Variants in LRP2 observed in about 807,000 individuals in gnomAD.
LRP2 encodes low-density lipoprotein receptor-related protein 2.
A neutral mutation model predicts 531.0 loss-of-function variants in LRP2; 172 were observed. That is an observed-to-expected ratio of 0.32 (90% confidence interval 0.29 to 0.37). The LOEUF is 0.37. Ranked by LOEUF, LRP2 falls within the 10% of genes least tolerant of loss-of-function variation. The pLI, the probability that LRP2 is intolerant of heterozygous loss-of-function variation, is 1.00. For missense variants in LRP2, 5,167 were observed against 5,868.3 expected (o/e 0.88, Z 3.90); for synonymous variants, 1,992 against 2,027.6 (o/e 0.98, Z 0.47).
At chr2:169,286,189 C>T (rs1445046400) in intron 9 of LRP2, among the ~76,000 whole-genome samples, 6 of 152,190 alleles carry the variant, frequency 3.9e-5, no homozygotes, top group Non-Finnish European at 8.8e-5. Flanking sequence ...AGGCAAATGA[C>T]ACATTCTTGA....
intron 4 of LRP2, among the ~76,000 whole-genome samples, chr2:169,304,322 A>G (rs1161634818): frequency 6.6e-6 from 1 of 152,170 alleles, no homozygotes; most frequent in Non-Finnish European, 1.5e-5. Context: ...CAGACTTGGA[A>G]CTAGAAGACA....
Position 169,240,978 on chromosome 2 carries a change from G to A in LRP2, c.4045+10C>T. On this transcript the variant is annotated intron_variant, in intron 25 of 78. Transcript: ENST00000649046. ...GTTTATGGCCAGTAAACTGTGGTCA[G>A]GAAACTTACTGCAAAGTGGGGACTC... 1.2e-6 allele frequency: 2 copies of A among 1,610,702 alleles called. No homozygotes were observed. Among genetic ancestry groups the A allele is most frequent in the Non-Finnish European group, 8.5e-7 (1 of 1,180,012 alleles).
At chr2:169,259,637 G>A (rs372254534) in intron 16 of LRP2, among the ~76,000 whole-genome samples, 39 of 151,366 alleles carry the variant, frequency 2.6e-4, no homozygotes, top group African/African-American at 8.7e-4. Flanking sequence ...AGGTATCATC[G>A]CCCAACCCTC....
chr2:169,162,590 C>T lies in LRP2; in HGVS notation c.11769G>A (p.Pro3923=), dbSNP rs772055695. Residue 3923 remains proline, a synonymous_variant, in exon 63 of 79, where the codon CCG becomes CCA. Transcript: ENST00000649046. ...CATATTCTGTACAAGGTTTAGGGGT[C>T]GGTTTTCTACCTGCAATGTAAAAAC... is the stretch of plus-strand genomic sequence containing the variant. The part of the protein sequence containing the change: ...TDETEEHCRK[P]TPKPCTEYEY... 7.2e-5 allele frequency: 117 copies of T among 1,613,976 alleles called. No individual in the cohort carries two copies. Among genetic ancestry groups the T allele is most frequent in the East Asian group, 8.9e-5 (4 of 44,896 alleles).
At chr2:169,258,934 C>T (rs1389947132) in intron 17 of LRP2, 91 bp downstream of exon 17, 1 of 1,116,612 alleles carries the variant, frequency 9.0e-7, no homozygotes, top group African/African-American at 1.5e-5. Context: ...CTTATATTTG[C>T]TGAACTTACC....
intron 4 of LRP2, among the ~76,000 whole-genome samples, chr2:169,300,796 GGA>G (rs1684268551): frequency 6.6e-6 from 1 of 152,086 alleles, no homozygotes. Context: ...CTGGCTTCAG[GGA>G]GAGAGAGAAT....
intron 4 of LRP2, among the ~76,000 whole-genome samples, chr2:169,300,084 A>G (rs1319906698): frequency 6.6e-6 from 1 of 152,192 alleles, no homozygotes; most frequent in Non-Finnish European, 1.5e-5. Context: ...CAAAATTACA[A>G]GTGAAGTAGC....
At chr2:169,226,367 G>A in intron 32 of LRP2, 55 bp downstream of exon 32, 1 of 1,404,924 alleles carries the variant, frequency 7.1e-7, no homozygotes, top group Non-Finnish European at 1.0e-6. Context: ...AAACATCAGT[G>A]CAGGCAGGCT....
At position 169,247,270 on chromosome 2, in the gene LRP2, C is replaced by T. The variant is rs17848142; in HGVS notation, c.2908+108G>A. 334 of 1,188,892 alleles carry T rather than the reference C, an allele frequency of 2.8e-4. 3 individuals are homozygous for T. The East Asian group carries it at 8.3e-3, about 30-fold the overall frequency. 73.6% of individuals were successfully genotyped at this position (1,188,892 alleles called of 1,614,324 possible). A position where few individuals can be genotyped will look rare whatever the true frequency, so the allele number is the denominator to read the frequency against. ...TGTGAACGACAAGAATATAAAACTA[C>T]CAGGAGCTAGACCTTTAAGTAATAA... is the stretch of plus-strand genomic sequence containing the variant. On this transcript the variant is annotated intron_variant, in intron 20 of 78. Transcript: ENST00000649046.
intron 16 of LRP2, among the ~76,000 whole-genome samples, chr2:169,267,117 C>A (rs768726882): frequency 6.6e-6 from 1 of 151,348 alleles, no homozygotes; most frequent in African/African-American, 2.4e-5. Context: ...CTCAAACTCC[C>A]GGCCTCAAGC....
intron 3 of LRP2, among the ~76,000 whole-genome samples, chr2:169,312,466 T>G (rs971055593): frequency 2.0e-5 from 3 of 152,182 alleles, no homozygotes; most frequent in Admixed American, 6.5e-5. Flanking sequence ...TTATGAAGCT[T>G]AGTTTGGCTG....
intron 62 of LRP2, among the ~76,000 whole-genome samples, chr2:169,163,846 C>T (rs979544282): frequency 3.3e-5 from 5 of 151,960 alleles, no homozygotes; most frequent in African/African-American, 1.2e-4. Context: ...GGAAAATAGA[C>T]AAGAAAAAAC....
At position 169,200,560 on chromosome 2, in the gene LRP2, C is replaced by T. The variant is rs374557602; in HGVS notation, c.8452+1068G>A. On this transcript the variant is annotated intron_variant, in intron 44 of 78. Transcript: ENST00000649046. ...CACCAAGAAAAAACAGTTGACAGCA[C>T]TGTATTAAAACTCATCAAATACATG... is the stretch of plus-strand genomic sequence containing the variant. Among the ~76,000 whole-genome samples, 13 of 152,240 alleles carry T rather than the reference C, an allele frequency of 8.5e-5. 1 individual carries two copies. The highest frequency in any genetic ancestry group is 2.9e-4 in the African/African-American group (12 of 41,542).
chr2:169,168,177 T>C (rs1403695155), intron 61 of LRP2, among the ~76,000 whole-genome samples: 2 of 151,336 alleles, frequency 1.3e-5, no homozygotes, highest in African/African-American at 4.9e-5. Flanking sequence ...GAGAGGGTAC[T>C]TCAGGGGCAC....
At chr2:169,205,290 A>T (rs979822782) in intron 41 of LRP2, among the ~76,000 whole-genome samples, 189 bp downstream of exon 41, 2 of 152,224 alleles carry the variant, frequency 1.3e-5, no homozygotes, top group African/African-American at 4.8e-5. Flanking sequence ...TCAATGCATG[A>T]TATAGATAAA....
At chr2:169,239,399 T>C in intron 26 of LRP2, 128 bp downstream of exon 26, 1 of 1,513,866 alleles carries the variant, frequency 6.6e-7, no homozygotes. Context: ...TTTAAAGAGA[T>C]TGCATAATCT....
chr2:169,206,634 T>G lies in LRP2; in HGVS notation c.7086A>C (p.Gly2362=), dbSNP rs112343332. 2 of 1,614,006 alleles carry G rather than the reference T, an allele frequency of 1.2e-6. No homozygotes were observed. The highest frequency in any genetic ancestry group is 2.7e-5 in the African/African-American group (2 of 74,906). ...CACAGTCACATTTTGGGGTGTGCAATCCAGGCAGAGCAAAGCAGAGATGAG... is the reference window on the plus strand; with the variant it reads ...CACAGTCACATTTTGGGGTGTGCAAGCCAGGCAGAGCAAAGCAGAGATGAG... The part of the protein sequence containing the change: ...GCSHLCFALP[G]LHTPKCDCAF... The change falls in exon 39 of 79, where the codon GGA becomes GGC. Residue 2362 remains glycine (G), a synonymous_variant. Transcript: ENST00000649046.
At chr2:169,154,402 C>T in intron 66 of LRP2, 58 bp downstream of exon 66, 2 of 1,516,894 alleles carry the variant, frequency 1.3e-6, no homozygotes, top group Middle Eastern at 1.7e-4. Flanking sequence ...AAAGTCAACA[C>T]CTTAAAATTC....
intron 1 of LRP2, among the ~76,000 whole-genome samples, chr2:169,331,682 G>A (rs1685271951): frequency 6.6e-6 from 1 of 152,204 alleles, no homozygotes; most frequent in South Asian, 2.1e-4. Context: ...TGGCCTGCCT[G>A]CCCAGGTAAA....
Sources: allele counts gnomAD v4.1 joint callset (sites outside exome capture counted in the v4.1 genomes callset), GRCh38; gene constraint gnomAD v4.1.1; transcripts MANE v1.5; gene names NCBI Gene and HGNC (gene_info 2026-07-23, HGNC 2026-07-21).